Variants in LPAR3 observed in about 807,000 individuals in gnomAD.
The protein encoded by LPAR3 is LPA receptor 3.
A neutral mutation model predicts 17.8 loss-of-function variants in LPAR3; 7 were observed. The ratio of observed to expected loss-of-function variants is 0.39; its 90% CI spans 0.22 to 0.74. LPAR3 has a LOEUF of 0.74. Ranked by LOEUF, LPAR3 falls within the 30% of genes least tolerant of loss-of-function variation. The pLI is 0.40. For synonymous variants in LPAR3, 179 were observed against 179.9 expected (o/e 0.99, Z 0.04); for missense variants, 391 against 453.4 (o/e 0.86, Z 1.25).
intron 2 of LPAR3, among the ~76,000 whole-genome samples, chr1:84,843,552 C>T (rs1429259753): frequency 6.6e-6 from 1 of 152,248 alleles, no homozygotes; most frequent in Non-Finnish European, 1.5e-5. Flanking sequence ...TAAGTTTCAA[C>T]AAGGACAGTC....
chr1:84,868,617 C>T (rs1034436224), intron 1 of LPAR3, among the ~76,000 whole-genome samples: 1 of 152,096 alleles, frequency 6.6e-6, no homozygotes. Flanking sequence ...ACACCTAACC[C>T]TAACTGCAGT....
chr1:84,815,630 T>C (rs1017290109), intron 2 of LPAR3, among the ~76,000 whole-genome samples: 1 of 152,180 alleles, frequency 6.6e-6, no homozygotes, highest in African/African-American at 2.4e-5. Flanking sequence ...GCTCAACCTA[T>C]GAGTGACCCG....
chr1:84,861,794 C>A (rs145533840), intron 2 of LPAR3, among the ~76,000 whole-genome samples: 1 of 152,304 alleles, frequency 6.6e-6, no homozygotes, highest in Non-Finnish European at 1.5e-5. Flanking sequence ...TTCCATTAAC[C>A]AATTCCCCAA....
Position 84,874,456 on chromosome 1 carries a change from TAACA to T in LPAR3, c.-18-8322_-18-8319del, listed in dbSNP as rs554660428. 4.3e-3 allele frequency among the ~76,000 whole-genome samples: 658 copies of T among 152,298 alleles called. 4 individuals are homozygous for T. The Middle Eastern group carries it at 0.048, about 11-fold the overall frequency. On this transcript the variant is annotated intron_variant, in intron 1 of 2. Coordinates refer to ENST00000370611, the MANE Select transcript of LPAR3 (RefSeq NM_012152.3). ...CACAGCTTCTACCCTAGGACTTGTT[TAACA>T]AACAACTAGAATCAAAGATATTGTT...
At chr1:84,887,065 T>C (rs913147865) in intron 1 of LPAR3, among the ~76,000 whole-genome samples, 1 of 152,246 alleles carries the variant, frequency 6.6e-6, no homozygotes, top group East Asian at 1.9e-4. Context: ...GTGACGGTGA[T>C]AAAGAATCAT....
At chr1:84,887,775 G>C (rs924284661) in intron 1 of LPAR3, among the ~76,000 whole-genome samples, 5 of 152,172 alleles carry the variant, frequency 3.3e-5, no homozygotes, top group African/African-American at 9.7e-5. Context: ...ACCCAATACA[G>C]CCAGGTTGGG....
chr1:84,865,400 C>A lies in LPAR3; in HGVS notation c.721G>T (p.Val241Leu), dbSNP rs768328396. 1 of 1,612,374 alleles carries A rather than the reference C, an allele frequency of 6.2e-7. No individual in the cohort carries two copies. ...RRTPMKLMKT[V>L]MTVLGAFVVC... The stretch of plus-strand genomic sequence containing the variant: ...TCTTACCTACCTAAGACAGTCATCA[C>A]CGTCTTCATTAGCTTCATGGGTGTC... Residue 241 changes from valine to leucine, a missense_variant, in exon 2 of 3, where the codon GTG becomes TTG. Transcript: ENST00000370611.
Position 84,813,993 on chromosome 1 carries a change from C to T in LPAR3, c.915G>A (p.Lys305=). ...YKDEDMYGTM[K]KMICCFSQEN... is the part of the protein sequence containing the mutation. ...CCTGAGAGAAGCAGCAGATCATCTT[C>T]TTCATGGTGCCATACATGTCCTCGT... The change falls in exon 3 of 3, where the codon AAG becomes AAA. Residue 305 remains lysine (K), a synonymous_variant. Transcript: ENST00000370611. The T allele has an allele frequency of 6.2e-7, 1 of 1,614,182 alleles. No homozygotes were observed. Among genetic ancestry groups the T allele is most frequent in the Non-Finnish European group, 8.5e-7 (1 of 1,180,036 alleles).
chr1:84,825,802 A>G (rs1659144518), intron 2 of LPAR3, among the ~76,000 whole-genome samples: 1 of 152,226 alleles, frequency 6.6e-6, no homozygotes, highest in South Asian at 2.1e-4. Flanking sequence ...TGCCTTGGTC[A>G]TCAGTACGGT....
intron 2 of LPAR3, among the ~76,000 whole-genome samples, chr1:84,849,143 G>T (rs1659651958): frequency 6.6e-6 from 1 of 152,112 alleles, no homozygotes; most frequent in Non-Finnish European, 1.5e-5. Flanking sequence ...TTGGGAGGCT[G>T]AGGCGGGCGG....
chr1:84,834,455 T>C (rs56268235), intron 2 of LPAR3, among the ~76,000 whole-genome samples: 139 of 152,344 alleles, frequency 9.1e-4, no homozygotes, highest in Non-Finnish European at 1.7e-3. Flanking sequence ...GATGTTACTA[T>C]ACCTGGAAAA....
intron 2 of LPAR3, among the ~76,000 whole-genome samples, chr1:84,842,451 G>A (rs1659520803): frequency 6.6e-6 from 1 of 152,176 alleles, no homozygotes; most frequent in South Asian, 2.1e-4. Context: ...TTTTAATCAT[G>A]CAAATGAATG....
intron 2 of LPAR3, among the ~76,000 whole-genome samples, chr1:84,848,493 C>T (rs1426575568): frequency 1.3e-5 from 2 of 152,184 alleles, no homozygotes; most frequent in Non-Finnish European, 2.9e-5. Context: ...AAATATTCTC[C>T]AGGCTCACCC....
At chr1:84,869,645 TGTGA>T (rs1660120940) in intron 1 of LPAR3, among the ~76,000 whole-genome samples, 1 of 152,234 alleles carries the variant, frequency 6.6e-6, no homozygotes, top group Non-Finnish European at 1.5e-5. Context: ...ATGGTGGAAC[TGTGA>T]GTCATTTTTT....
intron 2 of LPAR3, among the ~76,000 whole-genome samples, chr1:84,827,079 A>G (rs772253781): frequency 6.6e-6 from 1 of 152,222 alleles, no homozygotes; most frequent in Non-Finnish European, 1.5e-5. Flanking sequence ...ACCGCAATGC[A>G]TTTTGTATGA....
chr1:84,840,299 C>T (rs1054751682), intron 2 of LPAR3, among the ~76,000 whole-genome samples: 3 of 152,182 alleles, frequency 2.0e-5, no homozygotes, highest in African/African-American at 4.8e-5. Context: ...GTATCATTAA[C>T]GCAATTTCAC....
intron 2 of LPAR3, among the ~76,000 whole-genome samples, chr1:84,860,734 A>ATTTT (rs35354113): frequency 5.3e-5 from 6 of 113,554 alleles, no homozygotes; most frequent in Non-Finnish European, 7.1e-5. Flanking sequence ...TTAGGATTTA[A>ATTTT]TTTTTTTTTT....
chr1:84,866,103 A>C lies in LPAR3; in HGVS notation c.18T>G (p.Tyr6Ter). 6.3e-7 allele frequency: 1 copy of C among 1,575,598 alleles called. No homozygotes were observed. The highest frequency in any genetic ancestry group is 1.5e-5 in the African/African-American group (1 of 66,620). Reference sequence around the variant, plus strand: ...TATAAAAAAAGTCCATGTGCTTGTCATAGTGACACTCATTCATTGTGGAGA... The same window carrying C: ...TATAAAAAAAGTCCATGTGCTTGTCCTAGTGACACTCATTCATTGTGGAGA... The part of the protein sequence containing the change: MNECH[Y>*]DKHMDFFYNR... Residue 6 changes from tyrosine to a stop codon, truncating the protein, a stop_gained, in exon 2 of 3, where the codon TAT becomes TAG. Coordinates refer to ENST00000370611, the MANE Select transcript of LPAR3 (RefSeq NM_012152.3). LOFTEE classifies it high-confidence loss of function.
intron 1 of LPAR3, among the ~76,000 whole-genome samples, chr1:84,876,876 T>C (rs1197424783): frequency 6.6e-6 from 1 of 152,216 alleles, no homozygotes; most frequent in East Asian, 1.9e-4. Context: ...CATGGACCAG[T>C]AGCACAATTC....
Sources: gnomAD v4.1 joint callset for allele counts (sites outside exome capture counted in the v4.1 genomes callset) on GRCh38, gnomAD v4.1.1 for gene constraint, MANE v1.5 for transcripts, NCBI Gene and HGNC (gene_info 2026-07-23, HGNC 2026-07-21) for gene names.